Variants in RNF157 observed in about 807,000 individuals in gnomAD.
RNF157 encodes the protein ring finger protein 157.
Under a neutral mutation model 88.3 loss-of-function variants are expected in RNF157, and 55 were observed. The observed-to-expected ratio is 0.62, with a 90% CI of 0.50 to 0.78. The LOEUF is 0.78. Among genes scored for constraint, RNF157 ranks in the 30% least tolerant of loss-of-function variants. The probability of loss-of-function intolerance (pLI) is 0.00; values close to 1 mark genes in which losing one functional copy is unlikely to be tolerated. For synonymous variants in RNF157, 334 were observed against 341.2 expected (o/e 0.98, Z 0.23); for missense variants, 788 against 860.8 (o/e 0.92, Z 1.06).
chr17:76,177,701 G>A (rs1429557601), intron 2 of RNF157, among the ~76,000 whole-genome samples: 3 of 152,064 alleles, frequency 2.0e-5, no homozygotes, highest in African/African-American at 7.2e-5. Context: ...TCCCCTCTGA[G>A]GCCCATAAAA....
At chr17:76,169,595 T>C (rs1390124774) in intron 3 of RNF157, among the ~76,000 whole-genome samples, 2 of 149,804 alleles carry the variant, frequency 1.3e-5, no homozygotes, top group Non-Finnish European at 3.0e-5. Flanking sequence ...TTTTTTTTTT[T>C]TTGAGATGAA....
chr17:76,203,769 CT>C (rs778913227), intron 2 of RNF157, among the ~76,000 whole-genome samples: 220 of 104,832 alleles, frequency 2.1e-3, no homozygotes, highest in Middle Eastern at 0.011. Context: ...AGTTTTGTTG[CT>C]TTTTTTTTTT....
chr17:76,198,508 G>A (rs78431454), intron 2 of RNF157, among the ~76,000 whole-genome samples: 1,973 of 152,196 alleles, frequency 0.013, 50 homozygotes, highest in African/African-American at 0.045. Flanking sequence ...TGCGTCCTTT[G>A]GGGGGCCTGA....
intron 2 of RNF157, among the ~76,000 whole-genome samples, chr17:76,194,873 G>A (rs992234833): frequency 3.3e-5 from 5 of 152,120 alleles, no homozygotes; most frequent in Non-Finnish European, 5.9e-5. Flanking sequence ...AAATTAGCCA[G>A]GCGTGGTGGC....
In RNF157 at chr17:76,238,451, G is replaced by A. The variant is rs73996195; in HGVS notation, c.88+1702C>T. ...GAGAGGAGAGGATTATTTATTGAGT[G>A]TGCTAATTAACAAAAGTTTTGGTTT... On this transcript the variant is annotated intron_variant, in intron 1 of 18. Transcript: ENST00000269391. 4.3e-3 allele frequency among the ~76,000 whole-genome samples: 658 copies of A among 152,318 alleles called. 3 individuals carry two copies. The highest frequency in any genetic ancestry group is 0.014 in the African/African-American group (597 of 41,558).
chr17:76,172,865 A>C (rs1406744476), intron 3 of RNF157, among the ~76,000 whole-genome samples: 1 of 152,100 alleles, frequency 6.6e-6, no homozygotes. Flanking sequence ...CAGACTAAAA[A>C]TTACACTGTC....
intron 2 of RNF157, among the ~76,000 whole-genome samples, chr17:76,205,305 AT>A (rs987151263): frequency 6.8e-6 from 1 of 147,588 alleles, no homozygotes; most frequent in Non-Finnish European, 1.5e-5. Context: ...CCCCTGGCTA[AT>A]TTTTTTTTGT....
chr17:76,214,961 T>C (rs906648322), intron 1 of RNF157, among the ~76,000 whole-genome samples: 1 of 152,098 alleles, frequency 6.6e-6, no homozygotes, highest in Non-Finnish European at 1.5e-5. Flanking sequence ...ATTTCTATTA[T>C]CTAATTCTCC....
intron 1 of RNF157, among the ~76,000 whole-genome samples, chr17:76,224,055 T>C (rs917189705): frequency 1.3e-5 from 2 of 152,194 alleles, no homozygotes; most frequent in Admixed American, 6.6e-5. Flanking sequence ...CAAAGGGAAC[T>C]TGCATTACAC....
chr17:76,185,333 T>G (rs1182475900), intron 2 of RNF157, among the ~76,000 whole-genome samples: 1 of 152,346 alleles, frequency 6.6e-6, no homozygotes, highest in Admixed American at 6.5e-5. Flanking sequence ...TTGCTTTTAG[T>G]TGCAAAAGAT....
chr17:76,162,945 G>C (rs1235780337), intron 8 of RNF157: 1 of 192,128 alleles, frequency 5.2e-6, no homozygotes, highest in African/African-American at 2.3e-5. Context: ...AGGATGGAAG[G>C]GCATGCATTA....
In RNF157 at chr17:76,154,305, C is replaced by T; in HGVS notation, c.1788G>A (p.Glu596=). The T allele has an allele frequency of 4.3e-6, 7 of 1,612,478 alleles. No individual in the cohort carries two copies. Among genetic ancestry groups the T allele is most frequent in the Admixed American group, 1.7e-5 (1 of 60,024 alleles). Residue 596 remains glutamate, a synonymous_variant, in exon 17 of 19, where the codon GAG becomes GAA. Transcript: ENST00000269391. ...DAEGNDVIEE[E]DGSPTQEGQR... ...CACCTTCCTGCGTGGGTGATCCATC[C>T]TCTTCCTCTATAACATCATTTCCCT...
intron 2 of RNF157, among the ~76,000 whole-genome samples, chr17:76,203,452 CTT>C (rs35848509): frequency 0.064 from 8,907 of 138,456 alleles, 844 homozygotes; most frequent in African/African-American, 0.22. Context: ...AAAGTAAAAA[CTT>C]TTTTTTTTTT....
At chr17:76,215,555 AAT>A (rs201216172) in intron 1 of RNF157, among the ~76,000 whole-genome samples, 2,146 of 142,190 alleles carry the variant, frequency 0.015, 46 homozygotes, top group African/African-American at 0.05. Context: ...AAAAAAAAAA[AAT>A]GAGATTCAGT....
chr17:76,209,350 A>G (rs1356922385), intron 2 of RNF157, among the ~76,000 whole-genome samples: 1 of 152,248 alleles, frequency 6.6e-6, no homozygotes, highest in Non-Finnish European at 1.5e-5. Context: ...GCCAGCCAGC[A>G]TAAACTTCAA....
chr17:76,188,929 C>T (rs1162940643), intron 2 of RNF157, among the ~76,000 whole-genome samples: 1 of 152,032 alleles, frequency 6.6e-6, no homozygotes, highest in Non-Finnish European at 1.5e-5. Flanking sequence ...GTTTTCTTTC[C>T]CAAAGTCTAT....
rs772955106 is a variant in RNF157, at chr17:76,145,240, C to T, written c.2035G>A (p.Val679Ile). 1 of 1,600,934 alleles carries T rather than the reference C, an allele frequency of 6.2e-7. No homozygotes were observed. Among genetic ancestry groups the T allele is most frequent in the African/African-American group, 1.3e-5 (1 of 74,886 alleles). The part of the protein sequence containing the change: ...TRPCVWGPLA[V>I] Reference sequence around the variant, plus strand: ...CCAAGTGCAGAGGCTGGGGCTCAGACAGCCAAAGGGCCCCACACACAGGGC... The same window carrying T: ...CCAAGTGCAGAGGCTGGGGCTCAGATAGCCAAAGGGCCCCACACACAGGGC... The change falls in exon 19 of 19, where the codon GTC (valine) becomes ATC (isoleucine). Residue 679 changes from valine to isoleucine, a missense_variant. Transcript: ENST00000269391.
At chr17:76,187,559 A>C (rs1230271070) in intron 2 of RNF157, among the ~76,000 whole-genome samples, 1 of 151,910 alleles carries the variant, frequency 6.6e-6, no homozygotes, top group Non-Finnish European at 1.5e-5. Flanking sequence ...TAAAATAAAA[A>C]TCCATAGCAT....
At chr17:76,226,757 A>G in intron 1 of RNF157, 1 of 1,590,878 alleles carries the variant, frequency 6.3e-7, no homozygotes, top group Non-Finnish European at 8.6e-7. Context: ...GAAGGGGGAC[A>G]TCAAGTCCCC....
Sources: gnomAD v4.1 joint callset for allele counts (sites outside exome capture counted in the v4.1 genomes callset) on GRCh38, gnomAD v4.1.1 for gene constraint, MANE v1.5 for transcripts, NCBI Gene and HGNC (gene_info 2026-07-23, HGNC 2026-07-21) for gene names.